Variants in MAMLD1 observed in about 807,000 individuals in gnomAD.
MAMLD1 encodes the protein mastermind-like domain-containing protein 1.
MAMLD1 carries 14 observed loss-of-function variants against 45.0 expected under a neutral mutation model. The ratio of observed to expected loss-of-function variants is 0.31; its 90% CI spans 0.21 to 0.49. The LOEUF (loss-of-function observed/expected upper bound fraction) is 0.49. Among genes scored for constraint, MAMLD1 ranks in the 20% least tolerant of loss-of-function variants. The probability of loss-of-function intolerance (pLI) is 0.99; values close to 1 mark genes in which losing one functional copy is unlikely to be tolerated. For synonymous variants in MAMLD1, 254 were observed against 247.8 expected (o/e 1.02, Z -0.24); for missense variants, 543 against 603.6 (o/e 0.90, Z 1.05).
intron 1 of MAMLD1, among the ~76,000 whole-genome samples, chrX:150,384,248 AG>A (rs2032806956): frequency 8.9e-6 from 1 of 112,193 alleles, no homozygotes; most frequent in Non-Finnish European, 1.9e-5. Flanking sequence ...TAAGAGTTCC[AG>A]TTTCTCCACA....
intron 1 of MAMLD1, among the ~76,000 whole-genome samples, chrX:150,395,720 A>T (rs1175037312): frequency 1.8e-5 from 2 of 110,924 alleles, no homozygotes; most frequent in Non-Finnish European, 3.8e-5. Context: ...TGGTGAGCCT[A>T]GGGTTGTTCA....
chrX:150,414,090 G>A (rs189913310), intron 1 of MAMLD1, among the ~76,000 whole-genome samples: 226 of 96,160 alleles, frequency 2.4e-3, no homozygotes, highest in Non-Finnish European at 3.8e-3. Flanking sequence ...CCAAATTTCC[G>A]AAGGAAAATT....
At chrX:150,466,008 C>A (rs1231723670) in intron 3 of MAMLD1, among the ~76,000 whole-genome samples, 1 of 112,414 alleles carries the variant, frequency 8.9e-6, no homozygotes, top group African/African-American at 3.2e-5. Flanking sequence ...AACACCCAGT[C>A]TGGGCAGGCA....
At chrX:150,381,729 G>A (rs953393175) in intron 1 of MAMLD1, among the ~76,000 whole-genome samples, 1 of 112,153 alleles carries the variant, frequency 8.9e-6, no homozygotes, top group African/African-American at 3.2e-5. Flanking sequence ...GGTGTGTAGA[G>A]ATATCTCATT....
At chrX:150,418,307 C>T (rs1338849662) in intron 1 of MAMLD1, among the ~76,000 whole-genome samples, 2 of 110,625 alleles carry the variant, frequency 1.8e-5, no homozygotes, top group African/African-American at 3.3e-5. Flanking sequence ...TTTTTTATTG[C>T]GTCTATTTGA....
At position 150,398,386 on chromosome X, in the gene MAMLD1, G is replaced by A. The variant is rs1234899418; in HGVS notation, c.-64+34856G>A. ...GGAAGAGGAAGAGGAAGAAGAAGAGGAAGAAGAAGAAGAAGAAGACAGGGA... is the reference window on the plus strand; with the variant it reads ...GGAAGAGGAAGAGGAAGAAGAAGAGAAAGAAGAAGAAGAAGAAGACAGGGA... On this transcript the variant is annotated intron_variant, in intron 1 of 7. Coordinates refer to ENST00000370401, the MANE Select transcript of MAMLD1 (RefSeq NM_005491.5). 3.8e-5 allele frequency among the ~76,000 whole-genome samples: 4 copies of A among 106,416 alleles called. No homozygotes were observed. The East Asian group carries it at 1.2e-3, about 31-fold the overall frequency. The allele number at this position is 106,416 out of a possible 115,157, so 92.4% of individuals were successfully genotyped here.
chrX:150,433,322 G>A (rs1202144753), intron 1 of MAMLD1, among the ~76,000 whole-genome samples: 1 of 111,999 alleles, frequency 8.9e-6, no homozygotes, highest in Admixed American at 9.5e-5. Context: ...CAAGAATATG[G>A]CATTTTCTAG....
intron 2 of MAMLD1, among the ~76,000 whole-genome samples, chrX:150,449,950 G>C (rs782013442): frequency 2.7e-5 from 3 of 111,615 alleles, no homozygotes; most frequent in African/African-American, 9.8e-5. Context: ...ACTTCCCCAG[G>C]GTGGAGACTG....
chrX:150,421,104 A>T (rs1489170405), intron 1 of MAMLD1: 3 of 113,297 alleles, frequency 2.6e-5, no homozygotes, highest in Non-Finnish European at 5.5e-5. Flanking sequence ...TGGGCGTAGG[A>T]CCCTCCGAGC....
intron 1 of MAMLD1, among the ~76,000 whole-genome samples, chrX:150,418,032 C>T (rs1299577574): frequency 9.1e-6 from 1 of 110,376 alleles, no homozygotes; most frequent in African/African-American, 3.3e-5. Flanking sequence ...CCTCCTTGTA[C>T]CTCTGGTAGA....
At chrX:150,420,621 T>C (rs1309754703) in intron 1 of MAMLD1, among the ~76,000 whole-genome samples, 1 of 112,483 alleles carries the variant, frequency 8.9e-6, no homozygotes, top group African/African-American at 3.2e-5. Context: ...GTTTTTGGTG[T>C]GGATGTACTT....
chrX:150,431,943 G>A (rs1164470818), intron 1 of MAMLD1, among the ~76,000 whole-genome samples: 1 of 111,519 alleles, frequency 9.0e-6, no homozygotes, highest in African/African-American at 3.3e-5. Flanking sequence ...CATGATAATG[G>A]GATGGCTGGG....
chrX:150,403,175 A>G (rs1177335708), intron 1 of MAMLD1, among the ~76,000 whole-genome samples: 2 of 111,899 alleles, frequency 1.8e-5, no homozygotes, highest in Non-Finnish European at 3.8e-5. Flanking sequence ...TCCCCAAAAC[A>G]TGATACTGAG....
chrX:150,497,763 C>T (rs781923815), intron 5 of MAMLD1, among the ~76,000 whole-genome samples: 1 of 111,731 alleles, frequency 9.0e-6, no homozygotes, highest in East Asian at 2.8e-4. Context: ...ACCTCAGTGG[C>T]CTTACAAAAT....
At chrX:150,392,872 G>A (rs1393455344) in intron 1 of MAMLD1, among the ~76,000 whole-genome samples, 1 of 109,884 alleles carries the variant, frequency 9.1e-6, no homozygotes, top group African/African-American at 3.3e-5. Flanking sequence ...CCCTTCATGT[G>A]CATAGCCTCC....
chrX:150,460,918 T>A (rs1226534930), intron 2 of MAMLD1, among the ~76,000 whole-genome samples: 1 of 111,843 alleles, frequency 8.9e-6, no homozygotes, highest in Non-Finnish European at 1.9e-5. Flanking sequence ...CCATTCCTAA[T>A]CCCATCAGCA....
intron 5 of MAMLD1, among the ~76,000 whole-genome samples, chrX:150,498,699 A>T (rs781795888): frequency 8.9e-6 from 1 of 112,927 alleles, no homozygotes; most frequent in East Asian, 2.8e-4. Flanking sequence ...TTCTGGGATG[A>T]TTCAGCATCA....
At chrX:150,362,309 G>A (rs1216151798), upstream of MAMLD1, among the ~76,000 whole-genome samples, 1 of 111,062 alleles carries the variant, frequency 9.0e-6, no homozygotes, top group South Asian at 3.8e-4. Context: ...GGGGGATGGG[G>A]GCTGAATAGG....
intron 5 of MAMLD1, among the ~76,000 whole-genome samples, chrX:150,478,039 C>A (rs1317230843): frequency 8.9e-6 from 1 of 112,348 alleles, no homozygotes; most frequent in Non-Finnish European, 1.9e-5. Flanking sequence ...CAAAAAGAAT[C>A]TTTGCAGAAA....
Sources: gnomAD v4.1 joint callset for allele counts (sites outside exome capture counted in the v4.1 genomes callset) on GRCh38, gnomAD v4.1.1 for gene constraint, MANE v1.5 for transcripts, NCBI Gene and HGNC (gene_info 2026-07-23, HGNC 2026-07-21) for gene names.